Variants in PCDHGA6 observed in about 807,000 individuals in gnomAD.
PCDHGA6 encodes the protein protocadherin gamma-A6.
PCDHGA6 carries 41 observed loss-of-function variants against 60.6 expected under a neutral mutation model. That is an observed-to-expected ratio of 0.68 (90% CI 0.53 to 0.88). The LOEUF is 0.88. Among genes scored for constraint, PCDHGA6 ranks in the 40% least tolerant of loss-of-function variants. The probability of loss-of-function intolerance (pLI) is 0.00; values close to 1 mark genes in which losing one functional copy is unlikely to be tolerated. For missense variants in PCDHGA6, 1,312 were observed against 1,203.0 expected (o/e 1.09, Z -1.34); for synonymous variants, 594 against 524.4 (o/e 1.13, Z -1.81).
intron 1 of PCDHGA6, chr5:141,394,021 G>C (rs2092901030): frequency 6.2e-7 from 1 of 1,613,480 alleles, no homozygotes; most frequent in Non-Finnish European, 8.5e-7. Flanking sequence ...AATTATTATA[G>C]ATTAGTGACA....
intron 1 of PCDHGA6, among the ~76,000 whole-genome samples, chr5:141,492,798 C>T (rs1219815576): frequency 6.6e-6 from 1 of 152,250 alleles, no homozygotes; most frequent in Non-Finnish European, 1.5e-5. Flanking sequence ...GACAGCAGGA[C>T]TGGGACTCCA....
Position 141,476,036 on chromosome 5 carries a change from A to T in PCDHGA6, c.2425-18771A>T. ...ATGTCGGACTCGGCGCCCAGCGCCC[A>T]AGCGCTAACCCGCTGAAAGTTTCTC... On this transcript the variant is annotated intron_variant, in intron 1 of 3. Coordinates refer to ENST00000517434, the MANE Select transcript of PCDHGA6 (RefSeq NM_018919.3). This position sits in a 1 kb window ranked among gnomAD's most constrained non-coding sequence, Gnocchi z 7.6. 1.4e-6 allele frequency: 2 copies of T among 1,471,164 alleles called. No individual in the cohort carries two copies. The highest frequency in any genetic ancestry group is 1.8e-6 in the Non-Finnish European group (2 of 1,106,602). 91.1% of individuals were successfully genotyped at this position (1,471,164 alleles called of 1,614,324 possible).
chr5:141,429,387 TAA>T (rs11410533), intron 1 of PCDHGA6, among the ~76,000 whole-genome samples: 155 of 151,446 alleles, frequency 1.0e-3, no homozygotes, highest in African/African-American at 3.5e-3. Flanking sequence ...GTTTTTTTTT[TAA>T]AAAAAATTGA....
intron 1 of PCDHGA6, chr5:141,395,178 G>A: frequency 6.2e-7 from 1 of 1,614,142 alleles, no homozygotes; most frequent in East Asian, 2.2e-5. Flanking sequence ...TGAGAAAAAT[G>A]ATTCTTTGTT....
At chr5:141,484,750 GTA>G (rs545232987) in intron 1 of PCDHGA6, among the ~76,000 whole-genome samples, 18 of 149,824 alleles carry the variant, frequency 1.2e-4, no homozygotes, top group Admixed American at 4.7e-4. Flanking sequence ...GAAAAAAAAT[GTA>G]TATATATATA....
intron 1 of PCDHGA6, chr5:141,395,872 T>G (rs950924655): frequency 2.0e-5 from 3 of 152,138 alleles, no homozygotes; most frequent in Non-Finnish European, 4.4e-5. Context: ...ATTAAGTATG[T>G]GAGTCAGTGG....
rs758540898 is a variant in PCDHGA6 at position 141,400,450 on chromosome 5, A to G, written c.2424+23943A>G. The G allele has an allele frequency of 3.7e-6, 6 of 1,613,982 alleles. No homozygotes were observed. The African/African-American group carries it at 5.3e-5, about 14-fold the overall frequency. ...TGAGCAATTGAGTTCAGGACAAGAC[A>G]TACTTTGTGGTGATTCATCTGGGGC... On this transcript the variant is annotated intron_variant, in intron 1 of 3. Transcript: ENST00000517434.
chr5:141,389,374 G>C (rs192606668), intron 1 of PCDHGA6: 6 of 1,613,666 alleles, frequency 3.7e-6, no homozygotes, highest in Admixed American at 1.7e-5. Flanking sequence ...CTGGAGCAGC[G>C]GGAGCTGTCA....
chr5:141,409,165 G>T (rs2095233723), intron 1 of PCDHGA6: 1 of 1,613,886 alleles, frequency 6.2e-7, no homozygotes, highest in Admixed American at 1.7e-5. Flanking sequence ...AAGTGGAAGC[G>T]AAGGACGGAG....
chr5:141,419,894 C>G, intron 1 of PCDHGA6: 1 of 1,613,926 alleles, frequency 6.2e-7, no homozygotes, highest in Non-Finnish European at 8.5e-7. Flanking sequence ...CAGCGACCAT[C>G]CCACACCCTC....
intron 1 of PCDHGA6, chr5:141,430,525 G>C (rs1354801907): frequency 3.3e-5 from 12 of 365,842 alleles, no homozygotes; most frequent in Admixed American, 1.3e-4. Context: ...GCAGTAATTG[G>C]TTAGGACTCT....
intron 1 of PCDHGA6, chr5:141,394,953 C>T (rs749925118): frequency 6.2e-7 from 1 of 1,613,886 alleles, no homozygotes; most frequent in Non-Finnish European, 8.5e-7. Context: ...GCTTCTGGGG[C>T]TCAGGCTGAG....
Position 141,432,726 on chromosome 5 carries a change from C to T in PCDHGA6, c.2424+56219C>T, listed in dbSNP as rs777248611. The T allele has an allele frequency of 3.1e-6, 5 of 1,614,092 alleles. No homozygotes were observed. Among genetic ancestry groups the T allele is most frequent in the Non-Finnish European group, 3.4e-6 (4 of 1,179,998 alleles). On this transcript the variant is annotated intron_variant, in intron 1 of 3. Coordinates refer to ENST00000517434, the MANE Select transcript of PCDHGA6 (RefSeq NM_018919.3). This position sits in a 1 kb window ranked among gnomAD's most constrained non-coding sequence, Gnocchi z 6.0. ...GACCACGGCCAGCCCCCTCTCTCCG[C>T]CACTGTCACGCTCACCGTGGCCGTG...
intron 1 of PCDHGA6, chr5:141,423,750 TGGG>T: frequency 4.5e-5 from 13 of 287,436 alleles, no homozygotes; most frequent in South Asian, 1.7e-4. Flanking sequence ...GAAAACTGTT[TGGG>T]GGGGGGGTGG....
At chr5:141,388,913 A>T in intron 1 of PCDHGA6, 1 of 1,614,040 alleles carries the variant, frequency 6.2e-7, no homozygotes, top group Non-Finnish European at 8.5e-7. Context: ...ACAACGCCCC[A>T]GAAGTGATAT....
chr5:141,436,337 A>G (rs1450981655), intron 1 of PCDHGA6, among the ~76,000 whole-genome samples: 1 of 152,178 alleles, frequency 6.6e-6, no homozygotes, highest in Non-Finnish European at 1.5e-5. Flanking sequence ...CATATCTCAA[A>G]TATCAGTGAC....
rs145813962 is a variant in PCDHGA6 at position 141,377,375 on chromosome 5, G to A, written c.2424+868G>A. 13 of 152,264 alleles carry A rather than the reference G, an allele frequency of 8.5e-5. No individual in the cohort carries two copies. The East Asian group carries it at 1.2e-3, about 14-fold the overall frequency. The allele number at this position is 152,264 out of a possible 1,614,324, so 9.4% of individuals were successfully genotyped here. ...AATCCCACCTCTTCAGGAGGCTGAG[G>A]CAGGAGGATCCCTTGAGACCAGGAG... On this transcript the variant is annotated intron_variant, in intron 1 of 3. Transcript: ENST00000517434.
rs144317211 is a variant in PCDHGA6 at position 141,432,088 on chromosome 5, A to G, written c.2424+55581A>G. On this transcript the variant is annotated intron_variant, in intron 1 of 3. Transcript: ENST00000517434. This position sits in a 1 kb window ranked among gnomAD's most constrained non-coding sequence, Gnocchi z 6.0. Reference sequence around the variant, plus strand: ...AAACTCATATCTCGCTGAACGTGGCAGACACCAACGACAACCCGCCGGTCT... The same window carrying G: ...AAACTCATATCTCGCTGAACGTGGCGGACACCAACGACAACCCGCCGGTCT... The G allele has an allele frequency of 6.2e-7, 1 of 1,614,148 alleles. No individual in the cohort carries two copies. Among genetic ancestry groups the G allele is most frequent in the South Asian group, 1.1e-5 (1 of 91,074 alleles).
chr5:141,510,015 A>G (rs2099879210), intron 3 of PCDHGA6, among the ~76,000 whole-genome samples: 1 of 152,210 alleles, frequency 6.6e-6, no homozygotes, highest in Non-Finnish European at 1.5e-5. Flanking sequence ...GTCATACCAC[A>G]TAGCTGGCTG....
Sources: gnomAD v4.1 joint callset for allele counts (sites outside exome capture counted in the v4.1 genomes callset) on GRCh38, gnomAD v4.1.1 for gene constraint, Gnocchi (gnomAD v3.1) non-coding constraint, MANE v1.5 for transcripts, NCBI Gene and HGNC (gene_info 2026-07-23, HGNC 2026-07-21) for gene names.